Variants in COG5 observed in about 807,000 individuals in gnomAD.
The protein encoded by COG5 is conserved oligomeric Golgi complex subunit 5.
A neutral mutation model predicts 110.4 loss-of-function variants in COG5; 86 were observed. That is an observed-to-expected ratio of 0.78 (90% confidence interval 0.65 to 0.93). COG5 has a LOEUF of 0.93. COG5 is among the 40% of genes least tolerant of loss of function. COG5 has a pLI of 0.00. For synonymous variants in COG5, 360 were observed against 334.6 expected (o/e 1.08, Z -0.83); for missense variants, 1,077 against 987.0 (o/e 1.09, Z -1.22).
chr7:107,419,011 G>A (rs1793085303), intron 6 of COG5, among the ~76,000 whole-genome samples: 1 of 152,126 alleles, frequency 6.6e-6, no homozygotes, highest in African/African-American at 2.4e-5. Context: ...CTGAACTCAG[G>A]TGATCTGCCT....
chr7:107,270,882 C>CTTTTTTTTTTTTTTTT lies in COG5; in HGVS notation c.1575+10402_1575+10417dup, dbSNP rs56971368. On this transcript the variant is annotated intron_variant, in intron 14 of 21. Transcript: ENST00000297135. ...TTATACTTCATTATCCTAACTAGAA[C>CTTTTTTTTTTTTTTTT]TTTTTTTTTTTTTTTTTTTTTTTTT... Among the ~76,000 whole-genome samples, 64 of 68,750 alleles carry CTTTTTTTTTTTTTTTT rather than the reference C, an allele frequency of 9.3e-4. 10 individuals carry two copies. Among genetic ancestry groups the CTTTTTTTTTTTTTTTT allele is most frequent in the Non-Finnish European group, 1.4e-3 (55 of 38,998 alleles). 45.1% of individuals were successfully genotyped at this position (68,750 alleles called of 152,430 possible).
At chr7:107,217,619 C>T (rs1331689075) in intron 19 of COG5, among the ~76,000 whole-genome samples, 1 of 152,066 alleles carries the variant, frequency 6.6e-6, no homozygotes, top group Non-Finnish European at 1.5e-5. Context: ...TGCATCGTAT[C>T]AGCAGAACAA....
intron 19 of COG5, among the ~76,000 whole-genome samples, chr7:107,228,534 T>C (rs1800533179): frequency 6.6e-6 from 1 of 152,144 alleles, no homozygotes. Context: ...TACAAACAGA[T>C]GACCAATGGA....
chr7:107,312,589 T>C (rs1307688845), intron 11 of COG5, among the ~76,000 whole-genome samples: 1 of 152,098 alleles, frequency 6.6e-6, no homozygotes, highest in Non-Finnish European at 1.5e-5. Context: ...TATAGACACG[T>C]GTTTCAGGTA....
At chr7:107,481,667 A>G (rs1263839159) in intron 6 of COG5, among the ~76,000 whole-genome samples, 2 of 152,182 alleles carry the variant, frequency 1.3e-5, no homozygotes, top group Non-Finnish European at 2.9e-5. Flanking sequence ...ATAAAATATC[A>G]AATTTACATA....
chr7:107,203,572 G>C lies in COG5; in HGVS notation c.2434C>G (p.Pro812Ala). 1 of 1,614,108 alleles carries C rather than the reference G, an allele frequency of 6.2e-7. No homozygotes were observed. Among genetic ancestry groups the C allele is most frequent in the East Asian group, 2.2e-5 (1 of 44,866 alleles). ...VRSREGKEFAPVYPIMVQLLQ... is the reference protein window; with the variant it reads ...VRSREGKEFAAVYPIMVQLLQ... ...AGCTGAACCATTATGGGATAAACTG[G>C]TGCAAATTCTTTGCCTTCTCTACTT... The change falls in exon 22 of 22, where the codon CCA becomes GCA. Residue 812 changes from proline (P) to alanine (A), a missense_variant. By Grantham distance (27) the Pro-to-Ala change is conservative (BLOSUM62 -1). Transcript: ENST00000297135.
At chr7:107,423,100 A>C (rs1448979739) in intron 6 of COG5, among the ~76,000 whole-genome samples, 1 of 149,066 alleles carries the variant, frequency 6.7e-6, no homozygotes, top group East Asian at 1.9e-4. Context: ...TTTGCAATAC[A>C]ATTTATTTTA....
intron 10 of COG5, among the ~76,000 whole-genome samples, chr7:107,359,225 C>T (rs757672711): frequency 6.6e-6 from 1 of 152,206 alleles, no homozygotes; most frequent in Non-Finnish European, 1.5e-5. Context: ...TGGCCTCTCC[C>T]AACTCCCAGC....
chr7:107,270,545 G>A (rs1291768371), intron 14 of COG5, among the ~76,000 whole-genome samples: 1 of 152,116 alleles, frequency 6.6e-6, no homozygotes, highest in Non-Finnish European at 1.5e-5. Context: ...ACAGGCGTGA[G>A]CCATGTCACC....
At chr7:107,226,267 A>G (rs1045080516) in intron 19 of COG5, among the ~76,000 whole-genome samples, 1 of 152,112 alleles carries the variant, frequency 6.6e-6, no homozygotes, top group Non-Finnish European at 1.5e-5. Flanking sequence ...TTTGATTGAG[A>G]GTCTTTGGTG....
At chr7:107,530,082 T>A (rs1801088807) in intron 5 of COG5, among the ~76,000 whole-genome samples, 1 of 152,178 alleles carries the variant, frequency 6.6e-6, no homozygotes, top group South Asian at 2.1e-4. Flanking sequence ...TCTCAAAACA[T>A]GCAATCTTTA....
At chr7:107,368,526 C>A (rs925219677) in intron 8 of COG5, among the ~76,000 whole-genome samples, 2 of 151,872 alleles carry the variant, frequency 1.3e-5, no homozygotes, top group Non-Finnish European at 2.9e-5. Flanking sequence ...AAGTGTTCAC[C>A]TTATAATAAT....
intron 14 of COG5, among the ~76,000 whole-genome samples, chr7:107,269,965 G>A (rs914526381): frequency 2.0e-5 from 3 of 152,150 alleles, no homozygotes; most frequent in African/African-American, 7.2e-5. Flanking sequence ...CAGTATTCAA[G>A]AGTCCACGCT....
At chr7:107,424,851 TATGG>T (rs1300632422) in intron 6 of COG5, among the ~76,000 whole-genome samples, 1 of 152,174 alleles carries the variant, frequency 6.6e-6, no homozygotes, top group African/African-American at 2.4e-5. Flanking sequence ...AATTCTTAAT[TATGG>T]ATGCTAGAGG....
intron 11 of COG5, among the ~76,000 whole-genome samples, chr7:107,316,789 C>G (rs1052729564): frequency 6.6e-6 from 1 of 150,638 alleles, no homozygotes; most frequent in Non-Finnish European, 1.5e-5. Context: ...TGGAGATGCA[C>G]CACTGCACTC....
chr7:107,410,697 C>A (rs1222883318), intron 7 of COG5, among the ~76,000 whole-genome samples: 1 of 152,096 alleles, frequency 6.6e-6, no homozygotes, highest in Non-Finnish European at 1.5e-5. Context: ...CCGCCTTGGC[C>A]TCCCAAAGTG....
intron 10 of COG5, among the ~76,000 whole-genome samples, chr7:107,341,775 T>G (rs1002118616): frequency 6.6e-6 from 1 of 151,946 alleles, no homozygotes; most frequent in Non-Finnish European, 1.5e-5. Flanking sequence ...AAATAAGCAA[T>G]GGAGAAACGA....
At chr7:107,481,561 C>T (rs911202818) in intron 6 of COG5, among the ~76,000 whole-genome samples, 9 of 151,948 alleles carry the variant, frequency 5.9e-5, no homozygotes, top group African/African-American at 2.2e-4. Context: ...AAACTGAGTA[C>T]ACTGGTTGGG....
chr7:107,469,963 T>C (rs1357634997), intron 6 of COG5: 3 of 152,180 alleles, frequency 2.0e-5, no homozygotes, highest in Non-Finnish European at 2.9e-5. Context: ...CTGCTATACA[T>C]ATGAAGCACA....
Sources: allele counts gnomAD v4.1 joint callset (sites outside exome capture counted in the v4.1 genomes callset), GRCh38; gene constraint gnomAD v4.1.1; transcripts MANE v1.5; gene names NCBI Gene and HGNC (gene_info 2026-07-23, HGNC 2026-07-21).